ZC3H7B: variants seen among roughly 807,000 people sequenced by gnomAD.
ZC3H7B encodes zinc finger CCCH-type containing 7B, also known as zinc finger CCCH domain-containing protein 7B.
ZC3H7B carries 35 observed loss-of-function variants against 116.0 expected under a neutral mutation model. The ratio of observed to expected loss-of-function variants is 0.30; its 90% CI spans 0.23 to 0.40. The LOEUF (loss-of-function observed/expected upper bound fraction) is 0.40. Ranked by LOEUF, ZC3H7B falls within the 10% of genes least tolerant of loss-of-function variation. The pLI is 1.00. For missense variants in ZC3H7B, 1,011 were observed against 1,321.5 expected, an observed-to-expected ratio of 0.77 and a Z score of 3.64; for synonymous variants, 502 against 545.6, an observed-to-expected ratio of 0.92 and a Z score of 1.11.
chr22:41,327,528 C>T lies in ZC3H7B; in HGVS notation c.444+164C>T, dbSNP rs2036333920. Among the ~76,000 whole-genome samples, 1 of 152,378 alleles carries T rather than the reference C, an allele frequency of 6.6e-6. No homozygotes were observed. Among genetic ancestry groups the T allele is most frequent in the African/African-American group, 2.4e-5 (1 of 41,592 alleles). On this transcript the variant is annotated intron_variant, in intron 5 of 22. Transcript: ENST00000352645. The surrounding 1 kb of genome is among the most constrained non-coding windows in gnomAD (Gnocchi z 4.5). ...TTAACACTAGCTCCCATTCTCTGAGCGCTGACTGGGTGCCAGGCACTGCTA... is the reference window on the plus strand; with the variant it reads ...TTAACACTAGCTCCCATTCTCTGAGTGCTGACTGGGTGCCAGGCACTGCTA...
At chr22:41,331,433 T>C (rs532052903) in intron 6 of ZC3H7B, among the ~76,000 whole-genome samples, 1 of 147,662 alleles carries the variant, frequency 6.8e-6, no homozygotes, top group South Asian at 2.1e-4. Flanking sequence ...CGAGCGCCTG[T>C]AGTCCCAGCT....
At chr22:41,343,675 T>C in intron 13 of ZC3H7B, 99 bp downstream of exon 13, 3 of 1,411,278 alleles carry the variant, frequency 2.1e-6, no homozygotes, top group Non-Finnish European at 2.8e-6. Flanking sequence ...AGAACAGGGG[T>C]GGGCCTCACA....
chr22:41,354,074 A>G (rs921032107), intron 17 of ZC3H7B, among the ~76,000 whole-genome samples: 5 of 152,168 alleles, frequency 3.3e-5, no homozygotes, highest in African/African-American at 1.2e-4. Context: ...GCCACCTGCT[A>G]TGGCAAGGAG....
intron 1 of ZC3H7B, among the ~76,000 whole-genome samples, chr22:41,310,625 C>G (rs2036105477): frequency 6.6e-6 from 1 of 152,344 alleles, no homozygotes. Context: ...CAGTGTTAGA[C>G]AGTCACTCTA....
rs759773721 is a variant in ZC3H7B at position 41,357,348 on chromosome 22, C to T, written c.2853C>T (p.Phe951=). Residue 951 remains phenylalanine, a synonymous_variant, in exon 23 of 23, where the codon TTC becomes TTT. Transcript: ENST00000352645. The surrounding 1 kb of genome is among the most constrained non-coding windows in gnomAD (Gnocchi z 5.4). ...PRDDDFGKYN[F]LLQEDGDLAG... is the part of the protein sequence containing the mutation. ...ACGACGACTTTGGCAAATACAACTT[C>T]CTGCTGCAAGAGGACGGGGACCTTG... 17 of 1,613,660 alleles carry T rather than the reference C, an allele frequency of 1.1e-5. No homozygotes were observed. The South Asian group carries it at 1.8e-4, about 17-fold the overall frequency.
rs1291475982 is a variant in ZC3H7B at position 41,346,057 on chromosome 22, A to G, written c.1514A>G (p.His505Arg). The G allele has an allele frequency of 1.2e-6, 2 of 1,613,996 alleles. No individual in the cohort carries two copies. The highest frequency in any genetic ancestry group is 1.3e-5 in the African/African-American group (1 of 74,928). Residue 505 changes from histidine (H) to arginine (R), a missense_variant, in exon 14 of 23, where the codon CAT becomes CGT. Physicochemically the swap from His to Arg is conservative, Grantham distance 29. This residue lies in a region of ZC3H7B where 179 missense variants were observed against 178.5 expected (regional missense o/e 1.00). Transcript: ENST00000352645. The surrounding 1 kb of genome is among the most constrained non-coding windows in gnomAD (Gnocchi z 5.3). Reference sequence around the variant, plus strand: ...GGGGATAACTGCACCTTCGCCTACCATCAGGAGGAGATCGACGTGTGGACC... The same window carrying G: ...GGGGATAACTGCACCTTCGCCTACCGTCAGGAGGAGATCGACGTGTGGACC... ...KYGDNCTFAY[H>R]QEEIDVWTEE... is the part of the protein sequence containing the mutation.
At chr22:41,328,908 C>T (rs1052979954) in intron 5 of ZC3H7B, among the ~76,000 whole-genome samples, 6 of 151,814 alleles carry the variant, frequency 4.0e-5, no homozygotes, top group African/African-American at 7.2e-5. Flanking sequence ...AAGAGATGGC[C>T]GGGCACAGTG....
Position 41,327,074 on chromosome 22 carries a change from C to T in ZC3H7B, c.286-132C>T, listed in dbSNP as rs1601775624. 7.4e-7 allele frequency: 1 copy of T among 1,348,376 alleles called. No individual in the cohort carries two copies. The highest frequency in any genetic ancestry group is 1.5e-5 in the African/African-American group (1 of 68,872). 83.5% of individuals were successfully genotyped at this position (1,348,376 alleles called of 1,614,324 possible). A position where few individuals can be genotyped will look rare whatever the true frequency, so the allele number is the denominator to read the frequency against. The stretch of plus-strand genomic sequence containing the variant: ...TCTCCTGGAGCCTCGAGCCCTGTCC[C>T]TGACCCAAGACTTCAGCTCCTCTGT... On this transcript the variant is annotated intron_variant, in intron 4 of 22. Coordinates refer to ENST00000352645, the MANE Select transcript of ZC3H7B (RefSeq NM_017590.6). This position sits in a 1 kb window ranked among gnomAD's most constrained non-coding sequence, Gnocchi z 4.5.
At chr22:41,347,997 G>A in intron 14 of ZC3H7B, 70 bp from the exon 15 acceptor site, 3 of 1,350,410 alleles carry the variant, frequency 2.2e-6, no homozygotes, top group Non-Finnish European at 1.1e-6. Flanking sequence ...CCAGCTAGCT[G>A]TGTGGGGTCC....
chr22:41,301,605 T>C lies in ZC3H7B; in HGVS notation c.-174T>C, dbSNP rs1037848805. ...GAAAGTAAAGCGCTCCAGAGCCACA[T>C]GGACGGAGCTGCCGGGGCGGCGGCG... On this transcript the variant is annotated 5_prime_UTR_variant, in exon 1 of 23. It removes an upstream start codon present in the reference 5' UTR. Transcript: ENST00000352645. 2 of 152,276 alleles carry C rather than the reference T, an allele frequency of 1.3e-5. No individual in the cohort carries two copies. Among genetic ancestry groups the C allele is most frequent in the South Asian group, 2.1e-4 (1 of 4,828 alleles). 9.4% of individuals were successfully genotyped at this position (152,276 alleles called of 1,614,324 possible).
intron 7 of ZC3H7B, chr22:41,334,576 G>C (rs915473679): frequency 6.6e-6 from 1 of 152,332 alleles, no homozygotes; most frequent in Non-Finnish European, 1.5e-5. Flanking sequence ...CCACAGTGGA[G>C]AGGACCAGTT....
rs1569231004 is a variant in ZC3H7B, at chr22:41,314,502, G to A, written c.-6-6153G>A. On this transcript the variant is annotated intron_variant, in intron 1 of 22. Transcript: ENST00000352645. ...AGGGTCTCACTGTGTTGCCCAGGCT[G>A]GTCTTGAACTCCTGGGATCAAGTGA... 2.0e-5 allele frequency among the ~76,000 whole-genome samples: 3 copies of A among 152,192 alleles called. No homozygotes were observed. The South Asian group carries it at 6.2e-4, about 32-fold the overall frequency.
intron 6 of ZC3H7B, among the ~76,000 whole-genome samples, chr22:41,331,750 A>T (rs2036387107): frequency 6.6e-6 from 1 of 152,054 alleles, no homozygotes; most frequent in African/African-American, 2.4e-5. Context: ...GCATGCCTGT[A>T]GTCTCAGCTA....
intron 13 of ZC3H7B, 93 bp downstream of exon 13, chr22:41,343,669 CA>C (rs2036551156): frequency 1.4e-6 from 2 of 1,424,682 alleles, no homozygotes; most frequent in Admixed American, 2.8e-5. Context: ...GTAGACAGAA[CA>C]GGGGTGGGCC....
chr22:41,342,448 C>T, intron 11 of ZC3H7B, 81 bp from the exon 12 acceptor site: 3 of 1,381,340 alleles, frequency 2.2e-6, no homozygotes, highest in Non-Finnish European at 3.1e-6. Flanking sequence ...TAGAGCACTC[C>T]CCACTTCTGG....
intron 1 of ZC3H7B, among the ~76,000 whole-genome samples, chr22:41,319,169 A>G (rs2036221208): frequency 6.6e-6 from 1 of 152,162 alleles, no homozygotes; most frequent in South Asian, 2.1e-4. Flanking sequence ...TGGGAGGCCA[A>G]GGTGGGCAGA....
At position 41,351,623 on chromosome 22, in the gene ZC3H7B, G is replaced by A. The variant is rs2036655098; in HGVS notation, c.2011G>A (p.Ala671Thr). ...KKYWQQMEAHAGKASSSMGAP... is the reference protein window; with the variant it reads ...KKYWQQMEAHTGKASSSMGAP... ...GTACTGGCAGCAGATGGAGGCGCATGCGGGGAAGGCCAGCAGCAGCATGGT... is the reference window on the plus strand; with the variant it reads ...GTACTGGCAGCAGATGGAGGCGCATACGGGGAAGGCCAGCAGCAGCATGGT... The change falls in exon 17 of 23, where the codon GCG becomes ACG. Residue 671 changes from alanine to threonine, a missense_variant. Coordinates refer to ENST00000352645, the MANE Select transcript of ZC3H7B (RefSeq NM_017590.6). This position sits in a 1 kb window ranked among gnomAD's most constrained non-coding sequence, Gnocchi z 5.1. 3 of 1,614,006 alleles carry A rather than the reference G, an allele frequency of 1.9e-6. No homozygotes were observed. Among genetic ancestry groups the A allele is most frequent in the Non-Finnish European group, 1.7e-6 (2 of 1,179,956 alleles).
intron 1 of ZC3H7B, among the ~76,000 whole-genome samples, chr22:41,318,714 A>G (rs544907152): frequency 6.6e-6 from 1 of 152,180 alleles, no homozygotes; most frequent in East Asian, 1.9e-4. Context: ...TCTGGGCAAC[A>G]GAGTGAAACC....
intron 1 of ZC3H7B, among the ~76,000 whole-genome samples, chr22:41,304,391 C>T (rs567331354): frequency 2.0e-4 from 31 of 152,122 alleles, no homozygotes; most frequent in Non-Finnish European, 2.2e-4. Flanking sequence ...CTACCCACCT[C>T]GGCCTCCCAA....
Sources: allele counts gnomAD v4.1 joint callset (sites outside exome capture counted in the v4.1 genomes callset), GRCh38; gene constraint gnomAD v4.1.1; regional missense constraint gnomAD v4.1.1; non-coding constraint Gnocchi (gnomAD v3.1); transcripts MANE v1.5; gene names NCBI Gene and HGNC (gene_info 2026-07-23, HGNC 2026-07-21).